The following MYO5C variants were observed in gnomAD, a reference collection of about 807,000 sequenced individuals.
MYO5C encodes the protein unconventional myosin-Vc.
In MYO5C, 194 loss-of-function variants were observed where a neutral mutation model predicts 235.7. The ratio of observed to expected loss-of-function variants is 0.82; its 90% CI spans 0.73 to 0.93. MYO5C has a LOEUF of 0.93. MYO5C is among the 40% of genes least tolerant of loss of function. MYO5C has a pLI of 0.00. For missense variants in MYO5C, 2,038 were observed against 2,127.2 expected, an observed-to-expected ratio of 0.96 and a Z score of 0.82; for synonymous variants, 707 against 754.8, an observed-to-expected ratio of 0.94 and a Z score of 1.04.
At position 52,284,151 on chromosome 15, in the gene MYO5C, T is replaced by C. The variant is rs1017453406; in HGVS notation, c.28-1259A>G. Among the ~76,000 whole-genome samples, 8 of 151,842 alleles carry C rather than the reference T, an allele frequency of 5.3e-5. No individual in the cohort carries two copies. In the East Asian group the frequency reaches 9.7e-4, roughly 18 times the overall value. On this transcript the variant is annotated intron_variant, in intron 1 of 40. Transcript: ENST00000261839. The stretch of plus-strand genomic sequence containing the variant: ...ATAAATTCTGTGATATGGGACATAG[T>C]AACTTTATTTATAGTGGCCAAAAAT...
intron 23 of MYO5C, among the ~76,000 whole-genome samples, chr15:52,235,462 G>A (rs2036059053): frequency 6.6e-6 from 1 of 152,200 alleles, no homozygotes; most frequent in Non-Finnish European, 1.5e-5. Context: ...GAAATGCTGT[G>A]CTGTCTGACA....
At chr15:52,291,236 A>G (rs558074534) in intron 1 of MYO5C, among the ~76,000 whole-genome samples, 1 of 152,342 alleles carries the variant, frequency 6.6e-6, no homozygotes, top group South Asian at 2.1e-4. Flanking sequence ...ATGGGCATCA[A>G]GGTGTGAAAA....
Position 52,248,744 on chromosome 15 carries a change from C to T in MYO5C, c.1702G>A (p.Asp568Asn). 1.9e-6 allele frequency: 3 copies of T among 1,614,138 alleles called. No homozygotes were observed. Among genetic ancestry groups the T allele is most frequent in the Non-Finnish European group, 2.5e-6 (3 of 1,180,012 alleles). Residue 568 changes from aspartate to asparagine, a missense_variant, in exon 14 of 41, where the codon GAC becomes AAC. Asp to Asn is a conservative substitution (Grantham distance 23). Coordinates refer to ENST00000261839, the MANE Select transcript of MYO5C (RefSeq NM_018728.4). ...TCAACCAGCATGTCATAGACGGTGT[C>T]TCTGTTTTTCTCCAGGAAACCTTCA... ...KCEGFLEKNR[D>N]TVYDMLVEIL... is the part of the protein sequence containing the mutation.
chr15:52,225,507 A>G lies in MYO5C; in HGVS notation c.3233T>C (p.Ile1078Thr), dbSNP rs775335822. The G allele has an allele frequency of 2.5e-6, 4 of 1,613,376 alleles. No homozygotes were observed. The highest frequency in any genetic ancestry group is 2.2e-5 in the East Asian group (1 of 44,886). The change falls in exon 26 of 41, where the codon ATA becomes ACA. Residue 1078 changes from isoleucine (I) to threonine (T), a missense_variant. Physicochemically the swap from Ile to Thr is moderately conservative, Grantham distance 89 (BLOSUM62 -1). Transcript: ENST00000261839. Reference protein sequence around the residue: ...VKTISEFEKEIELLQAQKIDV... With the variant: ...VKTISEFEKETELLQAQKIDV... ...TATCTTCTGTGCCTGAAGTAGTTCTATCTCTTTTTCGAACTCAGAGATTGT... is the reference window on the plus strand; with the variant it reads ...TATCTTCTGTGCCTGAAGTAGTTCTGTCTCTTTTTCGAACTCAGAGATTGT...
chr15:52,270,707 T>G (rs990671676), intron 7 of MYO5C, among the ~76,000 whole-genome samples: 3 of 151,398 alleles, frequency 2.0e-5, no homozygotes, highest in African/African-American at 4.8e-5. Flanking sequence ...TGTATATATA[T>G]ACACATACAT....
At chr15:52,225,212 CCA>C (rs1566969068) in intron 26 of MYO5C, 74 bp from the exon 27 acceptor site, 6 of 1,520,868 alleles carry the variant, frequency 3.9e-6, no homozygotes, top group Non-Finnish European at 5.4e-6. Flanking sequence ...TTTCCAGGGC[CCA>C]GTTTTCTAGC....
At chr15:52,254,200 C>A (rs925767220) in intron 11 of MYO5C, among the ~76,000 whole-genome samples, 2 of 152,270 alleles carry the variant, frequency 1.3e-5, no homozygotes, top group South Asian at 2.1e-4. Flanking sequence ...GGGCCTATGG[C>A]CTTTTTCTAG....
chr15:52,294,258 G>A (rs577542168), intron 1 of MYO5C, among the ~76,000 whole-genome samples: 3 of 152,334 alleles, frequency 2.0e-5, no homozygotes, highest in East Asian at 1.9e-4. Flanking sequence ...CCAAAGTATC[G>A]TCGAAGACTA....
chr15:52,286,282 C>T (rs1400726469), intron 1 of MYO5C, among the ~76,000 whole-genome samples: 1 of 150,756 alleles, frequency 6.6e-6, no homozygotes, highest in Admixed American at 6.6e-5. Context: ...GGTCAGCCCC[C>T]CGCCCGGCCA....
At chr15:52,251,131 G>T in intron 13 of MYO5C, 1 of 275,360 alleles carries the variant, frequency 3.6e-6, no homozygotes, top group Non-Finnish European at 6.7e-6. Flanking sequence ...CTGATAAGAG[G>T]TTAATGAAAT....
intron 8 of MYO5C, among the ~76,000 whole-genome samples, chr15:52,265,504 G>C (rs367759732): frequency 2.0e-5 from 3 of 151,898 alleles, no homozygotes; most frequent in Admixed American, 2.0e-4. Context: ...TTAGCAGGTA[G>C]GTCATGTTCT....
In MYO5C at chr15:52,264,473, C is replaced by T. The variant is rs189994264; in HGVS notation, c.941-177G>A. On this transcript the variant is annotated intron_variant, in intron 8 of 40. Transcript: ENST00000261839. ...GTTCCTTCTAGTCGACCTCTGTAGA[C>T]ATATACCACATGTGTCTATACACAG... 5.3e-4 allele frequency among the ~76,000 whole-genome samples: 80 copies of T among 152,262 alleles called. No individual in the cohort carries two copies. In the East Asian group the frequency reaches 9.7e-3, roughly 18 times the overall value.
At position 52,239,890 on chromosome 15, in the gene MYO5C, A is replaced by AGG; in HGVS notation, c.2557-12_2557-11insCC. ...ATGTTCCTCCAGCATCTTTAAAACA[A>AGG]GATTTTGTGAAACATAAACTGGATC... On this transcript the variant is annotated splice_polypyrimidine_tract_variant and intron_variant, in intron 20 of 40. Transcript: ENST00000261839. The AGG allele has an allele frequency of 6.3e-7, 1 of 1,598,184 alleles. No homozygotes were observed.
intron 32 of MYO5C, among the ~76,000 whole-genome samples, chr15:52,218,077 G>A (rs530504470): frequency 1.4e-4 from 22 of 152,254 alleles, no homozygotes; most frequent in Non-Finnish European, 8.8e-5. Flanking sequence ...GCCTTCCATC[G>A]ACATCATGAT....
intron 12 of MYO5C, 130 bp from the exon 13 acceptor site, chr15:52,251,645 ATTT>A: frequency 6.9e-6 from 1 of 145,902 alleles, no homozygotes; most frequent in Non-Finnish European, 1.0e-5. Context: ...GAGGCTTTTT[ATTT>A]ATTTATTTAT....
intron 1 of MYO5C, among the ~76,000 whole-genome samples, chr15:52,289,324 C>A (rs1046417261): frequency 1.5e-5 from 2 of 137,294 alleles, no homozygotes; most frequent in East Asian, 4.3e-4. Context: ...CCACCCAGAT[C>A]GTGCACTGGA....
In MYO5C at chr15:52,245,456, G is replaced by GT; in HGVS notation, c.2075dup (p.Tyr692Ter). Residue 692 changes from tyrosine to a stop codon, truncating the protein, a stop_gained and frameshift_variant, in exon 18 of 41, where the codon TAC (tyrosine) becomes TAAC (stop). Coordinates refer to ENST00000261839, the MANE Select transcript of MYO5C (RefSeq NM_018728.4). LOFTEE classifies it high-confidence loss of function. ...SAQSYPSRWT[Y>*]IEFYSRYGIL... ...TGCCGTAGCGACTGTAGAACTCGAT[G>GT]TATGTCCACCTGGAAAATCAAAGGG... The GT allele has an allele frequency of 6.2e-7, 1 of 1,612,836 alleles. No individual in the cohort carries two copies. Among genetic ancestry groups the GT allele is most frequent in the South Asian group, 1.1e-5 (1 of 91,058 alleles).
intron 8 of MYO5C, 29 bp downstream of exon 8, chr15:52,269,724 A>C: frequency 6.9e-7 from 1 of 1,446,242 alleles, no homozygotes. Flanking sequence ...GAAAATGGCT[A>C]CATACTTGGA....
intron 38 of MYO5C, among the ~76,000 whole-genome samples, chr15:52,201,756 T>G (rs1253358928): frequency 2.0e-5 from 3 of 151,908 alleles, no homozygotes; most frequent in Non-Finnish European, 4.4e-5. Context: ...ATAAGACCAC[T>G]GCAACATAAA....
Sources: gnomAD v4.1 joint callset for allele counts (sites outside exome capture counted in the v4.1 genomes callset) on GRCh38, gnomAD v4.1.1 for gene constraint, MANE v1.5 for transcripts, NCBI Gene and HGNC (gene_info 2026-07-23, HGNC 2026-07-21) for gene names.